Variants in MSRA observed in about 807,000 individuals in gnomAD.
MSRA encodes methionine sulfoxide reductase A, also known as mitochondrial peptide methionine sulfoxide reductase.
MSRA carries 54 observed loss-of-function variants against 31.3 expected under a neutral mutation model. The ratio of observed to expected loss-of-function variants is 1.73; its 90% CI spans 1.39 to 2.17. MSRA has a LOEUF of 2.17. Ranked by LOEUF, MSRA falls within the 30% of genes most tolerant of loss-of-function variation. MSRA has a pLI of 0.00. For missense variants in MSRA, 507 were observed against 300.9 expected, an observed-to-expected ratio of 1.69 and a Z score of -5.07; for synonymous variants, 169 against 116.5, an observed-to-expected ratio of 1.45 and a Z score of -2.90.
intron 1 of MSRA, among the ~76,000 whole-genome samples, chr8:10,194,489 C>G (rs2129054731): frequency 6.6e-6 from 1 of 152,270 alleles, no homozygotes; most frequent in African/African-American, 2.4e-5. Context: ...TGGCTTGAAC[C>G]TGGGAGGCAG....
At chr8:10,389,760 A>T (rs1315852786) in intron 5 of MSRA, among the ~76,000 whole-genome samples, 4 of 135,578 alleles carry the variant, frequency 3.0e-5, no homozygotes, top group Admixed American at 2.2e-4. Flanking sequence ...TTTTTTTTTA[A>T]AGTCTTTTTT....
chr8:10,268,620 C>G (rs886815789), intron 3 of MSRA, among the ~76,000 whole-genome samples: 11 of 152,232 alleles, frequency 7.2e-5, no homozygotes, highest in African/African-American at 2.7e-4. Context: ...TACAATCAAA[C>G]AAGTTCACAC....
chr8:10,323,089 C>A (rs80042957), intron 5 of MSRA, among the ~76,000 whole-genome samples: 153 of 112,278 alleles, frequency 1.4e-3, no homozygotes, highest in South Asian at 2.5e-3. Context: ...GACTCCATCT[C>A]AAAAAAAAAA....
intron 5 of MSRA, among the ~76,000 whole-genome samples, chr8:10,381,067 A>G (rs1223999109): frequency 6.6e-6 from 1 of 152,140 alleles, no homozygotes; most frequent in Admixed American, 6.5e-5. Flanking sequence ...GGGTGGAGAG[A>G]TGGATTGATG....
intron 5 of MSRA, among the ~76,000 whole-genome samples, chr8:10,333,832 C>T (rs190360050): frequency 6.6e-6 from 1 of 152,100 alleles, no homozygotes; most frequent in Non-Finnish European, 1.5e-5. Context: ...TGAGTGGGAC[C>T]TTCCCTTGCT....
At chr8:10,139,061 C>T (rs1489756355) in intron 1 of MSRA, among the ~76,000 whole-genome samples, 1 of 152,190 alleles carries the variant, frequency 6.6e-6, no homozygotes, top group Non-Finnish European at 1.5e-5. Context: ...ATTTTAAAGG[C>T]TTTCATTACT....
intron 2 of MSRA, among the ~76,000 whole-genome samples, chr8:10,228,812 A>T (rs896124549): frequency 1.3e-5 from 2 of 152,196 alleles, no homozygotes; most frequent in African/African-American, 4.8e-5. Flanking sequence ...GATTCCACAT[A>T]TACAGATATC....
chr8:10,206,028 G>A (rs1808935980), intron 1 of MSRA, among the ~76,000 whole-genome samples: 1 of 152,178 alleles, frequency 6.6e-6, no homozygotes, highest in African/African-American at 2.4e-5. Flanking sequence ...GATATTATGT[G>A]TATCACCTTT....
chr8:10,077,623 C>A (rs1003522555), intron 1 of MSRA, among the ~76,000 whole-genome samples: 2 of 151,772 alleles, frequency 1.3e-5, no homozygotes, highest in Non-Finnish European at 2.9e-5. Context: ...AGGACTGGAC[C>A]CCTTTTGTTT....
chr8:10,074,169 G>A (rs906625519), intron 1 of MSRA, among the ~76,000 whole-genome samples: 1 of 138,510 alleles, frequency 7.2e-6, no homozygotes, highest in Admixed American at 8.2e-5. Context: ...TGCAAGCTCT[G>A]CCTCCAGGGT....
chr8:10,393,744 C>T (rs997121575), intron 5 of MSRA, among the ~76,000 whole-genome samples: 3 of 152,194 alleles, frequency 2.0e-5, no homozygotes, highest in African/African-American at 4.8e-5. Flanking sequence ...GGAGTCAGCA[C>T]GTGGTTGTTA....
intron 3 of MSRA, among the ~76,000 whole-genome samples, chr8:10,259,954 C>G (rs1226223314): frequency 6.6e-6 from 1 of 152,262 alleles, no homozygotes; most frequent in Admixed American, 6.5e-5. Flanking sequence ...TGATTTGGCA[C>G]AGGCCCTCTG....
chr8:10,417,754 TTGTG>T (rs113437676), intron 5 of MSRA, among the ~76,000 whole-genome samples: 8 of 129,838 alleles, frequency 6.2e-5, no homozygotes, highest in South Asian at 2.5e-4. Context: ...AACCTGCATG[TTGTG>T]TGTGTGTGTG....
intron 5 of MSRA, among the ~76,000 whole-genome samples, chr8:10,376,311 A>G (rs1805753670): frequency 6.6e-6 from 1 of 152,230 alleles, no homozygotes; most frequent in African/African-American, 2.4e-5. Flanking sequence ...CAGGAACAGC[A>G]AATGCCATTT....
chr8:10,401,800 A>G (rs1420539245), intron 5 of MSRA, among the ~76,000 whole-genome samples: 2 of 152,232 alleles, frequency 1.3e-5, no homozygotes, highest in East Asian at 3.9e-4. Flanking sequence ...GAAATAAGCC[A>G]GTTACAAAAA....
At chr8:10,396,318 C>A (rs867910309) in intron 5 of MSRA, among the ~76,000 whole-genome samples, 31 of 152,278 alleles carry the variant, frequency 2.0e-4, no homozygotes, top group Middle Eastern at 3.4e-3. Flanking sequence ...TATTTACACA[C>A]TGAGTGGGAA....
intron 2 of MSRA, among the ~76,000 whole-genome samples, chr8:10,239,897 C>G (rs1409060970): frequency 9.3e-6 from 1 of 107,410 alleles, no homozygotes; most frequent in African/African-American, 3.2e-5. Flanking sequence ...AGTCCGGCAC[C>G]CACCTGCACA....
chr8:10,275,840 G>T (rs1799292113), intron 3 of MSRA, among the ~76,000 whole-genome samples: 1 of 152,200 alleles, frequency 6.6e-6, no homozygotes, highest in Non-Finnish European at 1.5e-5. Context: ...ACAAAGAGTT[G>T]CACATCTAGG....
chr8:10,073,905 G>C (rs2628144), intron 1 of MSRA, among the ~76,000 whole-genome samples: 151,959 of 151,978 alleles, frequency 1, 75,970 homozygotes, highest in Middle Eastern at 1. Context: ...TTCTCTGACT[G>C]TTCCTATAGT....
Sources: allele counts gnomAD v4.1 joint callset (sites outside exome capture counted in the v4.1 genomes callset), GRCh38; gene constraint gnomAD v4.1.1; transcripts MANE v1.5; gene names NCBI Gene and HGNC (gene_info 2026-07-23, HGNC 2026-07-21).